CRTAC1: variants seen among roughly 807,000 people sequenced by gnomAD.
CRTAC1 encodes the protein acidic secreted protein in cartilage.
In CRTAC1, 37 loss-of-function variants were observed where a neutral mutation model predicts 67.8. The observed-to-expected ratio is 0.55, with a 90% CI of 0.42 to 0.72. The LOEUF (loss-of-function observed/expected upper bound fraction) is 0.72. Ranked by LOEUF, CRTAC1 falls within the 30% of genes least tolerant of loss-of-function variation. CRTAC1 has a pLI of 0.00. For synonymous variants in CRTAC1, 348 were observed against 371.0 expected, an observed-to-expected ratio of 0.94 and a Z score of 0.71; for missense variants, 780 against 931.6, an observed-to-expected ratio of 0.84 and a Z score of 2.12.
chr10:97,871,904 AGTT>A (rs1433163595), intron 14 of CRTAC1, among the ~76,000 whole-genome samples: 1 of 152,206 alleles, frequency 6.6e-6, no homozygotes, highest in African/African-American at 2.4e-5. Context: ...GAGTAATTCA[AGTT>A]ATCGATTTCT....
At chr10:97,917,230 T>C (rs1590207068) in intron 5 of CRTAC1, among the ~76,000 whole-genome samples, 1 of 152,314 alleles carries the variant, frequency 6.6e-6, no homozygotes, top group East Asian at 1.9e-4. Flanking sequence ...TGATGTGGTG[T>C]TCTCACATCC....
rs117656787 is a variant in CRTAC1 at position 97,958,365 on chromosome 10, G to A, written c.225-21999C>T. ...GTGCATTTAATGGAGAAGCAGTGGG[G>A]AATGTTAGAAATTAGTCATCCTTTG... On this transcript the variant is annotated intron_variant, in intron 2 of 14. Coordinates refer to ENST00000370597, the MANE Select transcript of CRTAC1 (RefSeq NM_018058.7). Among the ~76,000 whole-genome samples the A allele has an allele frequency of 6.9e-3, 1,056 of 152,324 alleles. 7 individuals are homozygous for A. The highest frequency in any genetic ancestry group is 0.01 in the Non-Finnish European group (682 of 68,030).
At chr10:97,904,350 T>C (rs1221854927) in intron 7 of CRTAC1, among the ~76,000 whole-genome samples, 1 of 152,184 alleles carries the variant, frequency 6.6e-6, no homozygotes, top group Non-Finnish European at 1.5e-5. Flanking sequence ...CTCCATGGCA[T>C]GCCGGGGCAC....
In CRTAC1 at chr10:97,968,475, A is replaced by T. The variant is rs543101144; in HGVS notation, c.225-32109T>A. Among the ~76,000 whole-genome samples, 7 of 152,136 alleles carry T rather than the reference A, an allele frequency of 4.6e-5. No individual in the cohort carries two copies. In the South Asian group the frequency reaches 6.2e-4, roughly 14 times the overall value. On this transcript the variant is annotated intron_variant, in intron 2 of 14. Transcript: ENST00000370597. ...TAGCCAGGATGGTCTCAATCTCCTG[A>T]CCTTGTGATCTGCCCGCCTCCCAAA...
intron 11 of CRTAC1, among the ~76,000 whole-genome samples, chr10:97,890,375 T>C (rs1165233198): frequency 6.6e-6 from 1 of 152,036 alleles, no homozygotes; most frequent in Non-Finnish European, 1.5e-5. Context: ...TCCCAAAGCA[T>C]TGGGATTACA....
chr10:97,927,588 CT>C (rs2050940385), intron 3 of CRTAC1, among the ~76,000 whole-genome samples: 1 of 152,240 alleles, frequency 6.6e-6, no homozygotes, highest in African/African-American at 2.4e-5. Context: ...GCCTCTCCCC[CT>C]CTTCAGCCTC....
Position 98,030,382 on chromosome 10 carries a change from G to A in CRTAC1, c.24+67C>T, listed in dbSNP as rs1843347476. 5.8e-6 allele frequency: 6 copies of A among 1,031,528 alleles called. No individual in the cohort carries two copies. The highest frequency in any genetic ancestry group is 6.3e-6 in the Non-Finnish European group (5 of 790,802). 63.9% of individuals were successfully genotyped at this position (1,031,528 alleles called of 1,614,324 possible). On this transcript the variant is annotated intron_variant, in intron 1 of 14. Coordinates refer to ENST00000370597, the MANE Select transcript of CRTAC1 (RefSeq NM_018058.7). The surrounding 1 kb of genome is among the most constrained non-coding windows in gnomAD (Gnocchi z 4.2). Reference sequence around the variant, plus strand: ...CCCGCCACCCTTGCGGGCGGATCCGGGGGGGCGCGCAGAGCTGGAGAAACT... The same window carrying A: ...CCCGCCACCCTTGCGGGCGGATCCGAGGGGGCGCGCAGAGCTGGAGAAACT...
rs373466568 is a variant in CRTAC1 at position 97,873,409 on chromosome 10, T to G, written c.1819+6840A>C. Reference sequence around the variant, plus strand: ...AGCCCCAGGCTTCCTTCTCCCTCTTTCTTCTGTGTCAGCCTTCGAGGGCTC... The same window carrying G: ...AGCCCCAGGCTTCCTTCTCCCTCTTGCTTCTGTGTCAGCCTTCGAGGGCTC... On this transcript the variant is annotated intron_variant, in intron 14 of 14. Coordinates refer to ENST00000370597, the MANE Select transcript of CRTAC1 (RefSeq NM_018058.7). 9.2e-5 allele frequency among the ~76,000 whole-genome samples: 14 copies of G among 152,194 alleles called. 1 individual carries two copies. The East Asian group carries it at 1.2e-3, about 13-fold the overall frequency.
intron 2 of CRTAC1, among the ~76,000 whole-genome samples, chr10:98,005,279 AT>A (rs1410051721): frequency 1.3e-5 from 2 of 150,264 alleles, no homozygotes; most frequent in African/African-American, 4.9e-5. Context: ...TAATTTTTGT[AT>A]TTTTAGTAGA....
chr10:97,999,199 G>T (rs1485619942), intron 2 of CRTAC1, among the ~76,000 whole-genome samples: 2 of 152,206 alleles, frequency 1.3e-5, no homozygotes, highest in Non-Finnish European at 2.9e-5. Flanking sequence ...CCCACGCAGG[G>T]GAGAAGGCAT....
Position 97,884,262 on chromosome 10 carries a change from G to T in CRTAC1, c.1576C>A (p.Leu526Met), listed in dbSNP as rs995787502. 1.2e-5 allele frequency: 19 copies of T among 1,563,672 alleles called. No homozygotes were observed. The African/African-American group carries it at 2.6e-4, about 21-fold the overall frequency. ...TCATCCCGGGGGTAGAGGATCTCCA[G>T]CACTGAGTTCATCTCCCCGCTGGCC... The part of the protein sequence containing the change: ...NVASGEMNSV[L>M]EILYPRDEDT... The change falls in exon 12 of 15, where the codon CTG becomes ATG. Residue 526 changes from leucine to methionine, a missense_variant. Coordinates refer to ENST00000370597, the MANE Select transcript of CRTAC1 (RefSeq NM_018058.7).
chr10:98,010,392 T>C (rs1842882153), intron 2 of CRTAC1, among the ~76,000 whole-genome samples: 1 of 152,188 alleles, frequency 6.6e-6, no homozygotes, highest in African/African-American at 2.4e-5. Flanking sequence ...CAATGCACTG[T>C]CACACACAAT....
chr10:97,981,935 G>A (rs887570289), intron 2 of CRTAC1, among the ~76,000 whole-genome samples: 1 of 152,058 alleles, frequency 6.6e-6, no homozygotes, highest in Admixed American at 6.5e-5. Flanking sequence ...GTGAATTACT[G>A]GTTATGATTA....
At chr10:98,002,776 T>G (rs1842716504) in intron 2 of CRTAC1, among the ~76,000 whole-genome samples, 3 of 107,430 alleles carry the variant, frequency 2.8e-5, no homozygotes, top group South Asian at 7.0e-4. Context: ...TTTTTTTTTT[T>G]TTTTTTTTTT....
intron 5 of CRTAC1, among the ~76,000 whole-genome samples, chr10:97,913,675 C>T (rs544243530): frequency 6.6e-6 from 1 of 152,278 alleles, no homozygotes; most frequent in African/African-American, 2.4e-5. Flanking sequence ...GCTTTGGGTA[C>T]CCCTAGCAGG....
chr10:97,976,820 T>C (rs1350184370), intron 2 of CRTAC1, among the ~76,000 whole-genome samples: 1 of 152,244 alleles, frequency 6.6e-6, no homozygotes, highest in Non-Finnish European at 1.5e-5. Flanking sequence ...ACAATCTTCT[T>C]GATTACAGGA....
At chr10:97,976,684 C>T (rs2051809471) in intron 2 of CRTAC1, among the ~76,000 whole-genome samples, 1 of 152,228 alleles carries the variant, frequency 6.6e-6, no homozygotes, top group Non-Finnish European at 1.5e-5. Context: ...TTGTTCCAGA[C>T]TTCTTCAGTT....
chr10:98,024,498 G>T (rs536225100), intron 1 of CRTAC1, among the ~76,000 whole-genome samples: 1 of 152,262 alleles, frequency 6.6e-6, no homozygotes, highest in African/African-American at 2.4e-5. Flanking sequence ...TTCTTGGAGG[G>T]AGGGGGCACA....
rs905232446 is a variant in CRTAC1 at position 97,975,629 on chromosome 10, A to G, written c.224+35509T>C. Among the ~76,000 whole-genome samples the G allele has an allele frequency of 6.6e-6, 1 of 152,078 alleles. No individual in the cohort carries two copies. Among genetic ancestry groups the G allele is most frequent in the Non-Finnish European group, 1.5e-5 (1 of 68,012 alleles). On this transcript the variant is annotated intron_variant, in intron 2 of 14. Coordinates refer to ENST00000370597, the MANE Select transcript of CRTAC1 (RefSeq NM_018058.7). The surrounding 1 kb of genome is among the most constrained non-coding windows in gnomAD (Gnocchi z 4.8). ...AGCCAGTCTTCTGCATAGTTCTAAG[A>G]TGGACTCTCCCTGTGAATGACAAAA...
Sources: allele counts gnomAD v4.1 joint callset (sites outside exome capture counted in the v4.1 genomes callset), GRCh38; gene constraint gnomAD v4.1.1; non-coding constraint Gnocchi (gnomAD v3.1); transcripts MANE v1.5; gene names NCBI Gene and HGNC (gene_info 2026-07-23, HGNC 2026-07-21).